ANKDD1B: variants seen among roughly 807,000 people sequenced by gnomAD.
ANKDD1B encodes the protein ankyrin repeat and death domain-containing protein 1B.
Under a neutral mutation model 59.7 loss-of-function variants are expected in ANKDD1B, and 57 were observed. That is an observed-to-expected ratio of 0.95 (90% confidence interval 0.77 to 1.19). ANKDD1B has a LOEUF of 1.19. ANKDD1B is among the 50% of genes most tolerant of loss of function. The pLI, the probability that ANKDD1B is intolerant of heterozygous loss-of-function variation, is 0.00. For synonymous variants in ANKDD1B, 216 were observed against 239.5 expected (o/e 0.90, Z 0.91); for missense variants, 602 against 641.9 (o/e 0.94, Z 0.67).
chr5:75,630,188 G>T (rs1030203419), intron 5 of ANKDD1B, among the ~76,000 whole-genome samples: 2 of 152,074 alleles, frequency 1.3e-5, no homozygotes, highest in Non-Finnish European at 2.9e-5. Context: ...GATGAAAAAG[G>T]ATTGGGTAGT....
chr5:75,612,318 GCCCCCCCCCGCCCTCCGC>G (rs144449725), intron 1 of ANKDD1B, among the ~76,000 whole-genome samples: 1 of 99,570 alleles, frequency 1.0e-5, no homozygotes, highest in Non-Finnish European at 2.1e-5. Context: ...GTCTGCCCCC[GCCCCCCCCCGCCCTCCGC>G]CCCGCCCCCG....
At position 75,671,143 on chromosome 5, in the gene ANKDD1B, T is replaced by C. The variant is rs879476483; in HGVS notation, c.*103T>C. On this transcript the variant is annotated 3_prime_UTR_variant, in exon 14 of 14. Transcript: ENST00000601380. ...TAGCACTGATTTTCAACTATGATGATGGTGGTGACAGGGAACTCTAACAGA... is the reference window on the plus strand; with the variant it reads ...TAGCACTGATTTTCAACTATGATGACGGTGGTGACAGGGAACTCTAACAGA... 49 of 453,264 alleles carry C rather than the reference T, an allele frequency of 1.1e-4. No individual in the cohort carries two copies. Among genetic ancestry groups the C allele is most frequent in the Admixed American group, 4.4e-5 (1 of 22,638 alleles). The allele number at this position is 453,264 out of a possible 1,614,324, so 28.1% of individuals were successfully genotyped here.
chr5:75,616,563 A>G (rs1773722643), intron 1 of ANKDD1B, among the ~76,000 whole-genome samples: 1 of 152,206 alleles, frequency 6.6e-6, no homozygotes, highest in East Asian at 1.9e-4. Context: ...GTCCTCATGA[A>G]TAATGTTTTG....
At chr5:75,638,915 A>C (rs192264394) in intron 7 of ANKDD1B, among the ~76,000 whole-genome samples, 33 of 152,332 alleles carry the variant, frequency 2.2e-4, no homozygotes, top group African/African-American at 7.7e-4. Context: ...TTGGATATTT[A>C]GTTTCAATTT....
intron 7 of ANKDD1B, among the ~76,000 whole-genome samples, chr5:75,642,145 G>A (rs1449502700): frequency 6.6e-6 from 1 of 152,178 alleles, no homozygotes; most frequent in African/African-American, 2.4e-5. Flanking sequence ...TTGTGAGAGA[G>A]GAAAATCAAA....
intron 5 of ANKDD1B, among the ~76,000 whole-genome samples, chr5:75,627,637 T>C (rs1428091005): frequency 6.6e-6 from 1 of 152,234 alleles, no homozygotes; most frequent in African/African-American, 2.4e-5. Flanking sequence ...ATTTTATCCA[T>C]GCCAAATAGA....
At chr5:75,648,456 G>T (rs1346177444) in intron 7 of ANKDD1B, among the ~76,000 whole-genome samples, 5 of 151,876 alleles carry the variant, frequency 3.3e-5, no homozygotes, top group Non-Finnish European at 4.4e-5. Flanking sequence ...TTTGTACACT[G>T]CCTTACCCTT....
chr5:75,612,224 G>C (rs561500569), intron 1 of ANKDD1B, among the ~76,000 whole-genome samples: 1 of 151,756 alleles, frequency 6.6e-6, no homozygotes, highest in African/African-American at 2.4e-5. Flanking sequence ...TTAAAGCATG[G>C]AGTGGATCAT....
intron 2 of ANKDD1B, among the ~76,000 whole-genome samples, chr5:75,617,332 A>G (rs1321524810): frequency 1.3e-5 from 2 of 152,192 alleles, no homozygotes; most frequent in Non-Finnish European, 2.9e-5. Context: ...TTCCAAATTT[A>G]AAAATCTAAA....
At chr5:75,616,747 G>A in intron 1 of ANKDD1B, 57 bp from the exon 2 acceptor site, 1 of 768,972 alleles carries the variant, frequency 1.3e-6, no homozygotes, top group Non-Finnish European at 2.1e-6. Context: ...TATGAAATAT[G>A]CTTTCTCTTT....
chr5:75,632,552 G>A (rs562219051), intron 5 of ANKDD1B, among the ~76,000 whole-genome samples: 2 of 152,314 alleles, frequency 1.3e-5, no homozygotes, highest in Non-Finnish European at 2.9e-5. Flanking sequence ...AGGGATAGGT[G>A]GTAGAAGAGG....
intron 7 of ANKDD1B, among the ~76,000 whole-genome samples, chr5:75,639,228 C>T (rs1774396804): frequency 6.6e-6 from 1 of 152,158 alleles, no homozygotes; most frequent in Non-Finnish European, 1.5e-5. Flanking sequence ...CGAAGCTTCA[C>T]TCTTGTTGCC....
intron 1 of ANKDD1B, 88 bp from the exon 2 acceptor site, chr5:75,616,716 C>A (rs1773725383): frequency 1.9e-6 from 1 of 537,900 alleles, no homozygotes; most frequent in African/African-American, 1.9e-5. Context: ...AGACTCAAAG[C>A]TGTTGTTACA....
At chr5:75,663,536 C>G (rs1248961886) in intron 11 of ANKDD1B, 47 bp downstream of exon 11, 1 of 1,456,484 alleles carries the variant, frequency 6.9e-7, no homozygotes, top group Non-Finnish European at 9.3e-7. Flanking sequence ...CTGGCAACAC[C>G]CATCTTCTTG....
chr5:75,635,786 G>T lies in ANKDD1B; in HGVS notation c.702G>T (p.Gly234=). Residue 234 remains glycine, a splice_region_variant and synonymous_variant, in exon 7 of 14, where the codon GGG becomes GGT. Transcript: ENST00000601380. The stretch of plus-strand genomic sequence containing the variant: ...CGTCGAGTGTGTCTCTGTTGCAGGG[G>T]GGAAACACTGCCTTGCACCTCGCTG... The part of the protein sequence containing the change: ...LNLHTSEKDK[G]GNTALHLAAK... The T allele has an allele frequency of 1.3e-6, 2 of 1,527,762 alleles. No homozygotes were observed. The highest frequency in any genetic ancestry group is 1.8e-6 in the Non-Finnish European group (2 of 1,140,110). The allele number at this position is 1,527,762 out of a possible 1,614,324, so 94.6% of individuals were successfully genotyped here. A position where few individuals can be genotyped will look rare whatever the true frequency, so the allele number is the denominator to read the frequency against.
At chr5:75,615,870 A>G (rs987427536) in intron 1 of ANKDD1B, among the ~76,000 whole-genome samples, 2 of 152,136 alleles carry the variant, frequency 1.3e-5, no homozygotes, top group African/African-American at 2.4e-5. Context: ...GAGGGACACA[A>G]TTCAGCCCAT....
chr5:75,630,144 T>C (rs1774109751), intron 5 of ANKDD1B, among the ~76,000 whole-genome samples: 1 of 152,064 alleles, frequency 6.6e-6, no homozygotes, highest in Admixed American at 6.6e-5. Flanking sequence ...GGAGGTCCTA[T>C]GAGACTGCCC....
At position 75,666,880 on chromosome 5, in the gene ANKDD1B, C is replaced by T. The variant is rs1045405671; in HGVS notation, c.1280C>T (p.Thr427Met). The T allele has an allele frequency of 6.1e-5, 94 of 1,535,034 alleles. No individual in the cohort carries two copies. The highest frequency in any genetic ancestry group is 7.4e-5 in the Non-Finnish European group (85 of 1,146,546). The change falls in exon 12 of 14, where the codon ACG (threonine) becomes ATG (methionine). Residue 427 changes from threonine to methionine, a missense_variant. Around this residue, in one of 3 missense-constraint regions of ANKDD1B, gnomAD observed 280 missense variants for 319.8 expected, o/e 0.88. Transcript: ENST00000601380. ...AGTCTGGAGACCAGACACATTCGCA[C>T]GCTTCTCTGGGACCTGGCTTACCAT... The part of the protein sequence containing the change: ...DHSLETRHIR[T>M]LLWDLAYHQL...
intron 5 of ANKDD1B, among the ~76,000 whole-genome samples, chr5:75,628,398 TA>T (rs1282001603): frequency 1.3e-5 from 2 of 152,030 alleles, no homozygotes; most frequent in Admixed American, 6.6e-5. Context: ...TTTACCATAA[TA>T]AAAAAAATTG....
Sources: allele counts gnomAD v4.1 joint callset (sites outside exome capture counted in the v4.1 genomes callset), GRCh38; gene constraint gnomAD v4.1.1; regional missense constraint gnomAD v4.1.1; transcripts MANE v1.5; gene names NCBI Gene and HGNC (gene_info 2026-07-23, HGNC 2026-07-21).